The following GBE1 variants were observed in gnomAD, a reference collection of about 807,000 sequenced individuals.
The protein encoded by GBE1 is 1,4-alpha-glucan-branching enzyme.
In GBE1, 70 loss-of-function variants were observed where a neutral mutation model predicts 88.8. That is an observed-to-expected ratio of 0.79 (90% CI 0.65 to 0.96). The LOEUF is 0.96. Ranked by LOEUF, GBE1 falls within the 40% of genes least tolerant of loss-of-function variation. The probability of loss-of-function intolerance (pLI) is 0.00; values close to 1 mark genes in which losing one functional copy is unlikely to be tolerated. For missense variants in GBE1, 872 were observed against 871.0 expected, an observed-to-expected ratio of 1.00 and a Z score of -0.01; for synonymous variants, 284 against 300.1, an observed-to-expected ratio of 0.95 and a Z score of 0.56.
At chr3:81,534,686 C>A (rs562974105) in intron 14 of GBE1, 5 of 152,246 alleles carry the variant, frequency 3.3e-5, no homozygotes, top group African/African-American at 1.2e-4. Context: ...GGAAAAGAAA[C>A]AAGTCTCAGA....
At chr3:81,607,274 G>A (rs180892224) in intron 7 of GBE1, among the ~76,000 whole-genome samples, 1 of 152,314 alleles carries the variant, frequency 6.6e-6, no homozygotes, top group Admixed American at 6.5e-5. Flanking sequence ...TGGCAGGCCA[G>A]GAGTGGTGGC....
At chr3:81,595,406 T>C (rs1703944053) in intron 7 of GBE1, among the ~76,000 whole-genome samples, 1 of 151,842 alleles carries the variant, frequency 6.6e-6, no homozygotes, top group South Asian at 2.1e-4. Context: ...ATAAATTTTA[T>C]TTTTCAGAGT....
chr3:81,565,703 T>A (rs1387307437), intron 12 of GBE1, among the ~76,000 whole-genome samples: 1 of 152,182 alleles, frequency 6.6e-6, no homozygotes, highest in Non-Finnish European at 1.5e-5. Flanking sequence ...AGTTTGTAAT[T>A]ATGCCTTTTT....
chr3:81,738,734 C>T (rs1300737964), intron 1 of GBE1, among the ~76,000 whole-genome samples: 1 of 152,102 alleles, frequency 6.6e-6, no homozygotes, highest in East Asian at 1.9e-4. Context: ...TCTTGCCAGC[C>T]AGTCTTTACA....
intron 14 of GBE1, among the ~76,000 whole-genome samples, chr3:81,508,083 T>G (rs1014039723): frequency 6.6e-6 from 1 of 152,202 alleles, no homozygotes; most frequent in Non-Finnish European, 1.5e-5. Flanking sequence ...TGTATTTTCA[T>G]GCAAATTATT....
intron 12 of GBE1, among the ~76,000 whole-genome samples, chr3:81,559,865 T>C (rs1025660049): frequency 1.3e-5 from 2 of 152,018 alleles, no homozygotes. Flanking sequence ...AACAAAACAG[T>C]AGCTTTCCAA....
Position 81,522,103 on chromosome 3 carries a change from A to G in GBE1, c.1934+13092T>C, listed in dbSNP as rs537074024. Among the ~76,000 whole-genome samples the G allele has an allele frequency of 2.4e-4, 36 of 151,548 alleles. No homozygotes were observed. In the East Asian group the frequency reaches 5.1e-3, roughly 21 times the overall value. On this transcript the variant is annotated intron_variant, in intron 14 of 15. Transcript: ENST00000429644. Reference sequence around the variant, plus strand: ...GAGATGCAATGGTAAGAGGTCTGGAAAGTATCATGAGAATCGATTTAAGAA... The same window carrying G: ...GAGATGCAATGGTAAGAGGTCTGGAGAGTATCATGAGAATCGATTTAAGAA...
rs150620834 is a variant in GBE1, at chr3:81,546,981, C to G, written c.1619-9886G>C. Among the ~76,000 whole-genome samples, 803 of 151,270 alleles carry G rather than the reference C, an allele frequency of 5.3e-3. 45 individuals carry two copies. Among genetic ancestry groups the G allele is most frequent in the Middle Eastern group, 0.014 (4 of 294 alleles). Reference sequence around the variant, plus strand: ...AACAATACTAAGGAAACTCCTGACCCAAAGACTAACTTTGGGTAAGTGCTG... The same window carrying G: ...AACAATACTAAGGAAACTCCTGACCGAAAGACTAACTTTGGGTAAGTGCTG... On this transcript the variant is annotated intron_variant, in intron 12 of 15. Coordinates refer to ENST00000429644, the MANE Select transcript of GBE1 (RefSeq NM_000158.4).
chr3:81,605,172 C>T (rs1374624133), intron 7 of GBE1, among the ~76,000 whole-genome samples: 2 of 152,116 alleles, frequency 1.3e-5, no homozygotes, highest in African/African-American at 4.8e-5. Flanking sequence ...CATCAATATC[C>T]TTAAGGAATC....
intron 1 of GBE1, among the ~76,000 whole-genome samples, chr3:81,731,772 C>T (rs1268137732): frequency 3.3e-5 from 5 of 152,052 alleles, no homozygotes; most frequent in African/African-American, 9.7e-5. Flanking sequence ...CTTCACCTTC[C>T]GCCATGAATG....
intron 14 of GBE1, among the ~76,000 whole-genome samples, chr3:81,503,273 CA>C (rs1702613630): frequency 6.6e-6 from 1 of 151,644 alleles, no homozygotes. Flanking sequence ...GTAAATAGAG[CA>C]AAAAGCAATA....
At chr3:81,708,777 A>C (rs1248656279) in intron 1 of GBE1, among the ~76,000 whole-genome samples, 2 of 152,188 alleles carry the variant, frequency 1.3e-5, no homozygotes, top group Non-Finnish European at 2.9e-5. Context: ...CAACAATGGG[A>C]AACTAGGTGA....
intron 2 of GBE1, among the ~76,000 whole-genome samples, chr3:81,704,288 T>C (rs368255602): frequency 6.6e-6 from 1 of 152,054 alleles, no homozygotes; most frequent in East Asian, 1.9e-4. Flanking sequence ...TCTTAGACAA[T>C]GCATATTAAT....
chr3:81,598,102 T>C (rs922514610), intron 7 of GBE1, among the ~76,000 whole-genome samples: 2 of 152,026 alleles, frequency 1.3e-5, no homozygotes, highest in Non-Finnish European at 2.9e-5. Flanking sequence ...CCTAATGTTC[T>C]ATTTATTTGT....
chr3:81,529,344 G>A (rs761766442), intron 14 of GBE1, among the ~76,000 whole-genome samples: 5 of 151,818 alleles, frequency 3.3e-5, no homozygotes, highest in Non-Finnish European at 7.4e-5. Context: ...TAGTTAGTTC[G>A]TGCAACACAG....
rs75178902 is a variant in GBE1 at position 81,678,718 on chromosome 3, A to C, written c.314-7765T>G. 9.5e-3 allele frequency among the ~76,000 whole-genome samples: 1,445 copies of C among 152,244 alleles called. 17 individuals are homozygous for C. Among genetic ancestry groups the C allele is most frequent in the African/African-American group, 0.033 (1,378 of 41,550 alleles). On this transcript the variant is annotated intron_variant, in intron 2 of 15. Transcript: ENST00000429644. ...AGTCTTCCAGGATTGTACTCATTAT[A>C]TTTTGACTACAAAACCATGTAAATA...
intron 7 of GBE1, among the ~76,000 whole-genome samples, chr3:81,624,179 C>G (rs576673926): frequency 1.1e-4 from 17 of 152,106 alleles, no homozygotes; most frequent in African/African-American, 4.1e-4. Context: ...AGAGAAGTCC[C>G]GAGCGAAGGA....
At chr3:81,559,608 C>T (rs1467483664) in intron 12 of GBE1, among the ~76,000 whole-genome samples, 2 of 151,762 alleles carry the variant, frequency 1.3e-5, no homozygotes, top group African/African-American at 4.8e-5. Flanking sequence ...ATTTTTGCCC[C>T]TATTGGGGTT....
intron 14 of GBE1, among the ~76,000 whole-genome samples, chr3:81,525,620 CTTG>C (rs1702933006): frequency 6.6e-6 from 1 of 151,942 alleles, no homozygotes; most frequent in African/African-American, 2.4e-5. Flanking sequence ...CCAGCTTGTC[CTTG>C]TACCTCTGGT....
Sources: gnomAD v4.1 joint callset for allele counts (sites outside exome capture counted in the v4.1 genomes callset) on GRCh38, gnomAD v4.1.1 for gene constraint, MANE v1.5 for transcripts, NCBI Gene and HGNC (gene_info 2026-07-23, HGNC 2026-07-21) for gene names.